Variants in BCAS3 observed in about 807,000 individuals in gnomAD.
BCAS3 encodes BCAS3 microtubule associated cell migration factor.
Under a neutral mutation model 116.1 loss-of-function variants are expected in BCAS3, and 53 were observed. That is an observed-to-expected ratio of 0.46 (90% CI 0.37 to 0.57). The LOEUF (loss-of-function observed/expected upper bound fraction) is 0.57, where lower values mean the gene tolerates loss of function less well. Among genes scored for constraint, BCAS3 ranks in the 20% least tolerant of loss-of-function variants. The probability of loss-of-function intolerance (pLI) is 0.00; values close to 1 mark genes in which losing one functional copy is unlikely to be tolerated. For missense variants in BCAS3, 917 were observed against 1,165.4 expected (o/e 0.79, Z 3.10); for synonymous variants, 391 against 408.2 (o/e 0.96, Z 0.51).
At chr17:61,085,638 G>A (rs572390658) in intron 22 of BCAS3, among the ~76,000 whole-genome samples, 5 of 152,216 alleles carry the variant, frequency 3.3e-5, no homozygotes, top group African/African-American at 9.6e-5. Flanking sequence ...CATTTTTAAC[G>A]TAGACTATTA....
Position 61,186,145 on chromosome 17 carries a change from A to G in BCAS3, c.2425+101581A>G, listed in dbSNP as rs1475451886. Among the ~76,000 whole-genome samples, 1 of 152,180 alleles carries G rather than the reference A, an allele frequency of 6.6e-6. No homozygotes were observed. The highest frequency in any genetic ancestry group is 1.5e-5 in the Non-Finnish European group (1 of 67,998). ...TCTCTTTCTAGTGCCTTGAATTGCTATTTAACATACGATAGCTTATTTATA... is the reference window on the plus strand; with the variant it reads ...TCTCTTTCTAGTGCCTTGAATTGCTGTTTAACATACGATAGCTTATTTATA... On this transcript the variant is annotated intron_variant, in intron 22 of 23. Transcript: ENST00000407086. This position sits in a 1 kb window ranked among gnomAD's most constrained non-coding sequence, Gnocchi z 4.9.
chr17:60,945,938 G>C (rs2060468492), intron 13 of BCAS3, among the ~76,000 whole-genome samples: 1 of 151,534 alleles, frequency 6.6e-6, no homozygotes, highest in South Asian at 2.1e-4. Flanking sequence ...GGCTAACATG[G>C]TGAAACCCCG....
In BCAS3 at chr17:60,802,295, A is replaced by AAAAATAT. The variant is rs1299403402; in HGVS notation, c.404-5708_404-5707insAAATATA. On this transcript the variant is annotated intron_variant, in intron 6 of 23. Coordinates refer to ENST00000407086, the MANE Select transcript of BCAS3 (RefSeq NM_017679.5). ...TGAGACTCTGTCTCAAAAAAAAAAAAATATATATATATATATATATATGCA... is the reference window on the plus strand; with the variant it reads ...TGAGACTCTGTCTCAAAAAAAAAAAAAAAATATATATATATATATATATATATATGCA... Among the ~76,000 whole-genome samples the AAAAATAT allele has an allele frequency of 8.8e-3, 1,121 of 127,868 alleles. 18 individuals are homozygous for AAAAATAT. Among genetic ancestry groups the AAAAATAT allele is most frequent in the African/African-American group, 0.038 (1,054 of 27,462 alleles). 83.9% of individuals were successfully genotyped at this position (127,868 alleles called of 152,430 possible). A position where few individuals can be genotyped will look rare whatever the true frequency, so the allele number is the denominator to read the frequency against.
Position 61,313,529 on chromosome 17 carries a change from G to T in BCAS3, c.2426-54798G>T, listed in dbSNP as rs764264858. Among the ~76,000 whole-genome samples, 5 of 152,192 alleles carry T rather than the reference G, an allele frequency of 3.3e-5. No homozygotes were observed. The highest frequency in any genetic ancestry group is 6.5e-5 in the Admixed American group (1 of 15,284). On this transcript the variant is annotated intron_variant, in intron 22 of 23. Coordinates refer to ENST00000407086, the MANE Select transcript of BCAS3 (RefSeq NM_017679.5). The surrounding 1 kb of genome is among the most constrained non-coding windows in gnomAD (Gnocchi z 4.3). ...TTTTGTTACCAGAATAACCCCACAG[G>T]AGAGGCCTGGCTGAACGGGGATTTG...
intron 22 of BCAS3, among the ~76,000 whole-genome samples, chr17:61,175,107 T>A (rs1437060489): frequency 6.6e-6 from 1 of 152,168 alleles, no homozygotes; most frequent in Non-Finnish European, 1.5e-5. Context: ...GTGTGTCTTG[T>A]CAAAGTCCTG....
intron 6 of BCAS3, among the ~76,000 whole-genome samples, chr17:60,805,135 TA>T (rs1014627912): frequency 6.6e-6 from 1 of 151,926 alleles, no homozygotes; most frequent in African/African-American, 2.4e-5. Flanking sequence ...TATATGTATA[TA>T]AATATATGTA....
chr17:61,218,676 T>G (rs1215473192), intron 22 of BCAS3, among the ~76,000 whole-genome samples: 1 of 152,216 alleles, frequency 6.6e-6, no homozygotes, highest in African/African-American at 2.4e-5. Context: ...TGTTTAGTTT[T>G]GTGATTAAAT....
chr17:60,759,066 C>T lies in BCAS3; in HGVS notation c.403+11787C>T, dbSNP rs531245303. On this transcript the variant is annotated intron_variant, in intron 6 of 23. Transcript: ENST00000407086. ...TCGACTCACTGCAACCTCTGCCTCC[C>T]GGGTTCTATCGATTCTCCTGCCTTA... Among the ~76,000 whole-genome samples, 148 of 152,026 alleles carry T rather than the reference C, an allele frequency of 9.7e-4. 1 individual carries two copies. The highest frequency in any genetic ancestry group is 3.4e-3 in the African/African-American group (142 of 41,464).
chr17:61,066,585 T>C (rs974508471), intron 19 of BCAS3, among the ~76,000 whole-genome samples: 2 of 152,078 alleles, frequency 1.3e-5, no homozygotes, highest in Non-Finnish European at 2.9e-5. Context: ...ATAATGAGAG[T>C]AATTAATTAC....
At chr17:60,731,358 G>A (rs765409015) in intron 5 of BCAS3, among the ~76,000 whole-genome samples, 1 of 152,024 alleles carries the variant, frequency 6.6e-6, no homozygotes, top group African/African-American at 2.4e-5. Context: ...GATTACAGGC[G>A]TGCGCCATTA....
intron 4 of BCAS3, among the ~76,000 whole-genome samples, chr17:60,697,525 G>T (rs1484588438): frequency 6.7e-6 from 1 of 150,258 alleles, no homozygotes; most frequent in Non-Finnish European, 1.5e-5. Context: ...GGAGGTTGCA[G>T]TGAGCTGAGA....
intron 22 of BCAS3, among the ~76,000 whole-genome samples, chr17:61,119,291 T>C (rs761222649): frequency 6.6e-6 from 1 of 152,134 alleles, no homozygotes; most frequent in Non-Finnish European, 1.5e-5. Context: ...GAATTTAGAT[T>C]CAGAAATAGC....
At chr17:61,119,195 C>A (rs1334903421) in intron 22 of BCAS3, among the ~76,000 whole-genome samples, 1 of 152,112 alleles carries the variant, frequency 6.6e-6, no homozygotes, top group Non-Finnish European at 1.5e-5. Flanking sequence ...TTCTAATCCC[C>A]TCTCAGAGAG....
At chr17:61,035,380 C>T (rs902490291) in intron 17 of BCAS3, among the ~76,000 whole-genome samples, 15 of 152,052 alleles carry the variant, frequency 9.9e-5, no homozygotes, top group African/African-American at 3.1e-4. Flanking sequence ...GTCGGGAGAT[C>T]GAGACCATCC....
chr17:60,743,825 T>A (rs2041805076), intron 5 of BCAS3, among the ~76,000 whole-genome samples: 1 of 152,202 alleles, frequency 6.6e-6, no homozygotes, highest in Non-Finnish European at 1.5e-5. Context: ...GCTGTTGTAA[T>A]TTCCTTTTGC....
At chr17:60,739,652 TC>T (rs2041332425) in intron 5 of BCAS3, among the ~76,000 whole-genome samples, 2 of 152,098 alleles carry the variant, frequency 1.3e-5, no homozygotes, top group Non-Finnish European at 2.9e-5. Flanking sequence ...AAGTTTTATT[TC>T]ACCTTCACTT....
rs1346526434 is a variant in BCAS3 at position 61,199,014 on chromosome 17, T to C, written c.2425+114450T>C. Among the ~76,000 whole-genome samples, 5 of 152,210 alleles carry C rather than the reference T, an allele frequency of 3.3e-5. No homozygotes were observed. Among genetic ancestry groups the C allele is most frequent in the Non-Finnish European group, 5.9e-5 (4 of 68,040 alleles). ...CTTACCATACTCTGATTACTAGAAA[T>C]ATATAAATGAAACCAACATTTCTCT... On this transcript the variant is annotated intron_variant, in intron 22 of 23. Transcript: ENST00000407086. The surrounding 1 kb of genome is among the most constrained non-coding windows in gnomAD (Gnocchi z 4.6).
intron 22 of BCAS3, among the ~76,000 whole-genome samples, chr17:61,120,083 A>G (rs903211036): frequency 6.6e-6 from 1 of 152,132 alleles, no homozygotes; most frequent in Non-Finnish European, 1.5e-5. Flanking sequence ...CAGAACTTTT[A>G]TGCAATCCCA....
Position 61,265,796 on chromosome 17 carries a change from T to A in BCAS3, c.2426-102531T>A, listed in dbSNP as rs758098876. The stretch of plus-strand genomic sequence containing the variant: ...TTAATGACCATGGACCTTACCTTTG[T>A]TCTAAAAAAAAAATCTTTGACTCCA... On this transcript the variant is annotated intron_variant, in intron 22 of 23. Coordinates refer to ENST00000407086, the MANE Select transcript of BCAS3 (RefSeq NM_017679.5). This position sits in a 1 kb window ranked among gnomAD's most constrained non-coding sequence, Gnocchi z 4.3. 1.5e-4 allele frequency among the ~76,000 whole-genome samples: 23 copies of A among 152,108 alleles called. No homozygotes were observed. Among genetic ancestry groups the A allele is most frequent in the Admixed American group, 1.4e-3 (21 of 15,274 alleles).
Sources: gnomAD v4.1 joint callset for allele counts (sites outside exome capture counted in the v4.1 genomes callset) on GRCh38, gnomAD v4.1.1 for gene constraint, Gnocchi (gnomAD v3.1) non-coding constraint, MANE v1.5 for transcripts, NCBI Gene and HGNC (gene_info 2026-07-23, HGNC 2026-07-21) for gene names.